Variants in PILRB observed in about 807,000 individuals in gnomAD.
PILRB encodes paired immunoglobin like type 2 receptor beta.
Under a neutral mutation model 20.5 loss-of-function variants are expected in PILRB, and 21 were observed. The observed-to-expected ratio is 1.02, with a 90% CI of 0.72 to 1.47. The LOEUF (loss-of-function observed/expected upper bound fraction) is 1.47, where lower values mean the gene tolerates loss of function less well. Ranked by LOEUF, PILRB falls within the 40% of genes most tolerant of loss-of-function variation. The pLI, the probability that PILRB is intolerant of heterozygous loss-of-function variation, is 0.00. For missense variants in PILRB, 253 were observed against 272.1 expected (o/e 0.93, Z 0.49); for synonymous variants, 133 against 115.1 (o/e 1.16, Z -0.99).
intron 3 of PILRB, among the ~76,000 whole-genome samples, chr7:100,366,917 G>T (rs757271687): frequency 9.9e-5 from 15 of 152,132 alleles, no homozygotes; most frequent in South Asian, 2.1e-4. Flanking sequence ...AACAGGTCGG[G>T]GGGGAGCCTC....
At chr7:100,358,510 A>T in intron 1 of PILRB, 144 bp downstream of exon 1, 1 of 1,257,914 alleles carries the variant, frequency 7.9e-7, no homozygotes, top group East Asian at 2.5e-5. Context: ...GGGTGCCGCC[A>T]TCTCTTCCCC....
chr7:100,360,850 C>T (rs1790503930), intron 3 of PILRB, among the ~76,000 whole-genome samples: 1 of 152,218 alleles, frequency 6.6e-6, no homozygotes, highest in South Asian at 2.1e-4. Context: ...ATGATGAAAC[C>T]ACCAACTACA....
At chr7:100,367,326 T>C (rs751759093) in intron 3 of PILRB, 23 bp from the exon 4 acceptor site, 1 of 780,872 alleles carries the variant, frequency 1.3e-6, no homozygotes, top group Admixed American at 1.7e-5. Context: ...GCCCTGCATC[T>C]AAAAACACTT....
intron 3 of PILRB, among the ~76,000 whole-genome samples, chr7:100,364,077 C>T (rs999125960): frequency 3.3e-5 from 5 of 150,004 alleles, no homozygotes; most frequent in Non-Finnish European, 5.9e-5. Context: ...CATTGCATTC[C>T]AGCCTGGGCA....
At chr7:100,366,912 G>GT (rs1790707425) in intron 3 of PILRB, among the ~76,000 whole-genome samples, 1 of 152,126 alleles carries the variant, frequency 6.6e-6, no homozygotes, top group African/African-American at 2.4e-5. Flanking sequence ...GGGAGAACAG[G>GT]TCGGGGGGGA....
At chr7:100,363,029 C>T (rs1234107928) in intron 3 of PILRB, among the ~76,000 whole-genome samples, 3 of 151,370 alleles carry the variant, frequency 2.0e-5, no homozygotes, top group African/African-American at 7.3e-5. Context: ...CACAGTGGCT[C>T]ACACCTGTAA....
intron 3 of PILRB, among the ~76,000 whole-genome samples, chr7:100,365,220 G>C (rs576004839): frequency 1.2e-3 from 175 of 152,156 alleles, no homozygotes; most frequent in African/African-American, 4.2e-3. Flanking sequence ...GGCTGGTCTC[G>C]AACTCCTGAC....
intron 3 of PILRB, among the ~76,000 whole-genome samples, chr7:100,363,786 T>C (rs981296944): frequency 2.0e-5 from 3 of 152,126 alleles, no homozygotes; most frequent in African/African-American, 7.2e-5. Flanking sequence ...TTAAAAACTA[T>C]GGTAATCAAA....
At chr7:100,364,538 C>G (rs1181073696) in intron 3 of PILRB, among the ~76,000 whole-genome samples, 1 of 152,174 alleles carries the variant, frequency 6.6e-6, no homozygotes, top group Non-Finnish European at 1.5e-5. Flanking sequence ...TACGTACCTG[C>G]TCTTACACAA....
chr7:100,358,137 TG>T lies in PILRB; in HGVS notation c.-164del. 1.4e-6 allele frequency: 1 copy of T among 710,724 alleles called. No homozygotes were observed. The highest frequency in any genetic ancestry group is 2.4e-6 in the Non-Finnish European group (1 of 408,746). The allele number at this position is 710,724 out of a possible 1,614,324, so 44.0% of individuals were successfully genotyped here. On this transcript the variant is annotated 5_prime_UTR_variant, in exon 1 of 4. Transcript: ENST00000609309. ...TGGATAAAGGAAGTGCTGGTCACCC[TG>T]GAGGTGTACTGGTTTGGGGAAGGTC...
At chr7:100,367,139 C>T (rs1790715781) in intron 3 of PILRB, among the ~76,000 whole-genome samples, 1 of 152,114 alleles carries the variant, frequency 6.6e-6, no homozygotes, top group South Asian at 2.1e-4. Flanking sequence ...GAGTGCTGGG[C>T]CTCCCCAAGG....
At chr7:100,359,971 C>CA (rs1790480220) in intron 3 of PILRB, among the ~76,000 whole-genome samples, 1 of 152,174 alleles carries the variant, frequency 6.6e-6, no homozygotes, top group Non-Finnish European at 1.5e-5. Context: ...TGCAGTGAGT[C>CA]AAGGTCGTGC....
intron 3 of PILRB, among the ~76,000 whole-genome samples, chr7:100,365,362 T>G (rs1486916996): frequency 6.6e-6 from 1 of 152,242 alleles, no homozygotes; most frequent in Non-Finnish European, 1.5e-5. Flanking sequence ...TTGAGGACAT[T>G]ATGCTAAGTG....
chr7:100,365,226 C>G (rs938552770), intron 3 of PILRB, among the ~76,000 whole-genome samples: 1 of 152,164 alleles, frequency 6.6e-6, no homozygotes, highest in Non-Finnish European at 1.5e-5. Context: ...TCTCGAACTC[C>G]TGACCTCAGG....
intron 1 of PILRB, 72 bp downstream of exon 1, chr7:100,358,438 G>A (rs1157167384): frequency 6.4e-7 from 1 of 1,558,394 alleles, no homozygotes; most frequent in Non-Finnish European, 8.8e-7. Context: ...GACAAAGGCA[G>A]AACATCTGGG....
intron 3 of PILRB, among the ~76,000 whole-genome samples, chr7:100,362,560 G>A (rs1389521530): frequency 6.6e-6 from 1 of 151,684 alleles, no homozygotes; most frequent in Non-Finnish European, 1.5e-5. Context: ...CCAGCCTGGA[G>A]TGCAGTGGTG....
intron 1 of PILRB, 106 bp downstream of exon 1, chr7:100,358,472 AG>A: frequency 7.1e-7 from 1 of 1,415,590 alleles, no homozygotes. Flanking sequence ...TCCCACCTCC[AG>A]CAAACAAGGG....
rs183494723 is a variant in PILRB at position 100,367,127 on chromosome 7, C to G, written c.656-222C>G. ...GGACTAAAGCCACAACCCCAGCCAG[C>G]TGAGTGCTGGGCCTCCCCAAGGGAG... On this transcript the variant is annotated intron_variant, in intron 3 of 3. Coordinates refer to ENST00000609309, the MANE Select transcript of PILRB (RefSeq NM_178238.4). Among the ~76,000 whole-genome samples the G allele has an allele frequency of 1.8e-3, 272 of 152,228 alleles. 1 individual carries two copies. The highest frequency in any genetic ancestry group is 0.015 in the East Asian group (79 of 5,160).
At chr7:100,360,487 C>T (rs1790495839) in intron 3 of PILRB, among the ~76,000 whole-genome samples, 1 of 152,084 alleles carries the variant, frequency 6.6e-6, no homozygotes, top group Non-Finnish European at 1.5e-5. Flanking sequence ...ACTCACTTTC[C>T]TTGTGGGTGG....
Sources: gnomAD v4.1 joint callset for allele counts (sites outside exome capture counted in the v4.1 genomes callset) on GRCh38, gnomAD v4.1.1 for gene constraint, MANE v1.5 for transcripts, NCBI Gene and HGNC (gene_info 2026-07-23, HGNC 2026-07-21) for gene names.